The following DNAJC17 variants were observed in gnomAD, a reference collection of about 807,000 sequenced individuals.
The protein encoded by DNAJC17 is dnaJ homolog subfamily C member 17.
Under a neutral mutation model 48.1 loss-of-function variants are expected in DNAJC17, and 35 were observed. That is an observed-to-expected ratio of 0.73 (90% confidence interval 0.56 to 0.96). The LOEUF is 0.96. DNAJC17 is among the 50% of genes least tolerant of loss of function. The pLI, the probability that DNAJC17 is intolerant of heterozygous loss-of-function variation, is 0.00. For missense variants in DNAJC17, 355 were observed against 377.1 expected (o/e 0.94, Z 0.48); for synonymous variants, 117 against 142.7 (o/e 0.82, Z 1.28).
At chr15:40,773,100 A>G (rs1889203464) in intron 10 of DNAJC17, among the ~76,000 whole-genome samples, 1 of 151,516 alleles carries the variant, frequency 6.6e-6, no homozygotes, top group Non-Finnish European at 1.5e-5. Flanking sequence ...AGCTGGGATT[A>G]CAGGTGCGCA....
intron 1 of DNAJC17, among the ~76,000 whole-genome samples, chr15:40,796,495 T>C (rs1244710392): frequency 6.6e-6 from 1 of 152,098 alleles, no homozygotes; most frequent in African/African-American, 2.4e-5. Context: ...TTAGCAAGTA[T>C]AAAGGCCCTG....
intron 10 of DNAJC17, chr15:40,771,176 G>C: frequency 1.4e-6 from 1 of 735,932 alleles, no homozygotes; most frequent in East Asian, 2.7e-5. Flanking sequence ...TAGGAATCCA[G>C]GGCTCTGCCT....
rs1888968348 is a variant in DNAJC17, at chr15:40,767,202, C to G, written c.*738G>C. ...GAGCTTGCTGTGTGCCCCTCCTCAC[C>G]CCCCCCATCCTGTCTCTTTGCAGTT... On this transcript the variant is annotated 3_prime_UTR_variant, in exon 11 of 11. Coordinates refer to ENST00000220496, the MANE Select transcript of DNAJC17 (RefSeq NM_018163.3). 1.4e-6 allele frequency: 2 copies of G among 1,470,328 alleles called. No homozygotes were observed. Among genetic ancestry groups the G allele is most frequent in the Non-Finnish European group, 1.8e-6 (2 of 1,108,120 alleles). The allele number at this position is 1,470,328 out of a possible 1,614,324, so 91.1% of individuals were successfully genotyped here. A position where few individuals can be genotyped will look rare whatever the true frequency, so the allele number is the denominator to read the frequency against.
intron 1 of DNAJC17, among the ~76,000 whole-genome samples, chr15:40,804,492 G>A (rs2141966898): frequency 6.6e-6 from 1 of 152,080 alleles, no homozygotes; most frequent in Non-Finnish European, 1.5e-5. Context: ...CCAACTACAT[G>A]AGAGGCTGAG....
At chr15:40,781,749 G>T (rs191884224) in intron 1 of DNAJC17, among the ~76,000 whole-genome samples, 1 of 150,232 alleles carries the variant, frequency 6.7e-6, no homozygotes, top group Non-Finnish European at 1.5e-5. Flanking sequence ...GTGAAACCCC[G>T]TCTCTACTAA....
At chr15:40,780,810 C>G (rs531160370) in intron 1 of DNAJC17, among the ~76,000 whole-genome samples, 29 of 145,788 alleles carry the variant, frequency 2.0e-4, no homozygotes, top group Non-Finnish European at 9.0e-5. Flanking sequence ...AAGACTCTGT[C>G]TCAAATAAAA....
At chr15:40,780,481 TAG>T in intron 1 of DNAJC17, 1 of 374,908 alleles carries the variant, frequency 2.7e-6, no homozygotes, top group Admixed American at 3.4e-5. Context: ...CTGTTGATAC[TAG>T]CCAGCCAAGA....
At chr15:40,797,641 A>T (rs1405203273) in intron 1 of DNAJC17, among the ~76,000 whole-genome samples, 1 of 148,348 alleles carries the variant, frequency 6.7e-6, no homozygotes, top group Non-Finnish European at 1.5e-5. Context: ...TGAACTCCTG[A>T]CCTTGGGTGA....
intron 1 of DNAJC17, among the ~76,000 whole-genome samples, chr15:40,783,724 G>A (rs1175714625): frequency 1.3e-5 from 2 of 151,938 alleles, no homozygotes; most frequent in Non-Finnish European, 2.9e-5. Context: ...TTAGCCGGGT[G>A]TGGTGGTGCA....
chr15:40,767,155 G>A lies in DNAJC17; in HGVS notation c.*785C>T. On this transcript the variant is annotated 3_prime_UTR_variant, in exon 11 of 11. Coordinates refer to ENST00000220496, the MANE Select transcript of DNAJC17 (RefSeq NM_018163.3). ...TACAAGAGTGGCCAGGCTGCCTGCT[G>A]CAGACACTAGCTTTGTACCAGGAGC... 1 of 1,408,482 alleles carries A rather than the reference G, an allele frequency of 7.1e-7. No individual in the cohort carries two copies. Among genetic ancestry groups the A allele is most frequent in the Non-Finnish European group, 9.3e-7 (1 of 1,072,608 alleles). The allele number at this position is 1,408,482 out of a possible 1,614,324, so 87.2% of individuals were successfully genotyped here. A position where few individuals can be genotyped will look rare whatever the true frequency, so the allele number is the denominator to read the frequency against.
intron 3 of DNAJC17, 116 bp downstream of exon 3, chr15:40,779,429 C>G: frequency 6.4e-7 from 1 of 1,561,390 alleles, no homozygotes; most frequent in Non-Finnish European, 8.8e-7. Context: ...GACTGGGTCT[C>G]CTGGGCTTAG....
chr15:40,799,584 G>A (rs1457590386), intron 1 of DNAJC17, among the ~76,000 whole-genome samples: 5 of 152,170 alleles, frequency 3.3e-5, no homozygotes, highest in Non-Finnish European at 5.9e-5. Flanking sequence ...AAGGCCCCCG[G>A]TTGAGAGTAA....
At position 40,807,388 on chromosome 15, in the gene DNAJC17, T is replaced by G; in HGVS notation, c.59A>C (p.Glu20Ala). Reference sequence around the variant, plus strand: ...TCTCACCTCTTTGTCCGCTGCCTTCTCCTCAATGCCTAGCAGCGCGTACAG... The same window carrying G: ...TCTCACCTCTTTGTCCGCTGCCTTCGCCTCAATGCCTAGCAGCGCGTACAG... ...MDLYALLGIEEKAADKEVKKA... is the reference protein window; with the variant it reads ...MDLYALLGIEAKAADKEVKKA... The change falls in exon 1 of 11, where the codon GAG becomes GCG. Residue 20 changes from glutamate (E) to alanine (A), a missense_variant. Physicochemically the swap from Glu to Ala is moderately radical, Grantham distance 107. Coordinates refer to ENST00000220496, the MANE Select transcript of DNAJC17 (RefSeq NM_018163.3). 1 of 1,614,268 alleles carries G rather than the reference T, an allele frequency of 6.2e-7. No homozygotes were observed. The highest frequency in any genetic ancestry group is 1.7e-5 in the Admixed American group (1 of 60,034).
intron 1 of DNAJC17, among the ~76,000 whole-genome samples, chr15:40,794,028 T>C (rs1245926744): frequency 6.6e-6 from 1 of 152,164 alleles, no homozygotes; most frequent in Non-Finnish European, 1.5e-5. Flanking sequence ...TCTCAACACA[T>C]GGTAGATGCA....
intron 1 of DNAJC17, among the ~76,000 whole-genome samples, chr15:40,805,867 T>A (rs539339145): frequency 4.6e-5 from 7 of 151,634 alleles, no homozygotes; most frequent in Admixed American, 2.0e-4. Flanking sequence ...ATAAAGAATT[T>A]AAAAAATAAT....
rs1888979844 is a variant in DNAJC17, at chr15:40,767,594, T to TTGTGTAGGCCA, written c.*335_*345dup. 1 of 589,930 alleles carries TTGTGTAGGCCA rather than the reference T, an allele frequency of 1.7e-6. No individual in the cohort carries two copies. Among genetic ancestry groups the TTGTGTAGGCCA allele is most frequent in the African/African-American group, 1.9e-5 (1 of 51,716 alleles). The allele number at this position is 589,930 out of a possible 1,614,324, so 36.5% of individuals were successfully genotyped here. A position where few individuals can be genotyped will look rare whatever the true frequency, so the allele number is the denominator to read the frequency against. On this transcript the variant is annotated 3_prime_UTR_variant, in exon 11 of 11. Coordinates refer to ENST00000220496, the MANE Select transcript of DNAJC17 (RefSeq NM_018163.3). ...CTGCTTCGGGCCTGGGCCGAGGGCC[T>TTGTGTAGGCCA]TGTGTAGGCCATGTTCCTCGGGCAG...
chr15:40,780,941 G>A (rs534010810), intron 1 of DNAJC17, among the ~76,000 whole-genome samples: 13 of 152,082 alleles, frequency 8.5e-5, no homozygotes, highest in African/African-American at 2.9e-4. Flanking sequence ...GAGGTCAGGA[G>A]TAGGAGACCA....
At chr15:40,788,780 G>A (rs1229315646) in intron 1 of DNAJC17, among the ~76,000 whole-genome samples, 1 of 152,130 alleles carries the variant, frequency 6.6e-6, no homozygotes, top group Non-Finnish European at 1.5e-5. Context: ...GTGGGGCTGG[G>A]AAGGATTATT....
chr15:40,802,327 G>C (rs939949936), intron 1 of DNAJC17, among the ~76,000 whole-genome samples: 1 of 152,106 alleles, frequency 6.6e-6, no homozygotes, highest in East Asian at 1.9e-4. Context: ...GTGCCACCGC[G>C]TCTGGCTAGT....
Sources: allele counts gnomAD v4.1 joint callset (sites outside exome capture counted in the v4.1 genomes callset), GRCh38; gene constraint gnomAD v4.1.1; transcripts MANE v1.5; gene names NCBI Gene and HGNC (gene_info 2026-07-23, HGNC 2026-07-21).